The following MTMR8 variants were observed in gnomAD, a reference collection of about 807,000 sequenced individuals.
MTMR8 encodes the protein phosphatidylinositol-3,5-bisphosphate 3-phosphatase MTMR8.
A neutral mutation model predicts 39.3 loss-of-function variants in MTMR8; 65 were observed. The observed-to-expected ratio is 1.65, with a 90% CI of 1.35 to 2.03. MTMR8 has a LOEUF of 2.03. Ranked by LOEUF, MTMR8 falls within the 30% of genes most tolerant of loss-of-function variation. The probability of loss-of-function intolerance (pLI) is 0.00; values close to 1 mark genes in which losing one functional copy is unlikely to be tolerated. For missense variants in MTMR8, 777 were observed against 538.9 expected (o/e 1.44, Z -4.37); for synonymous variants, 245 against 185.2 (o/e 1.32, Z -2.62).
intron 4 of MTMR8, among the ~76,000 whole-genome samples, chrX:64,352,625 A>G (rs1213548040): frequency 9.0e-6 from 1 of 111,455 alleles, no homozygotes. Context: ...TGTTAACATC[A>G]CCACTACTCA....
chrX:64,312,909 G>T (rs1250708682), intron 12 of MTMR8, among the ~76,000 whole-genome samples: 1 of 112,494 alleles, frequency 8.9e-6, no homozygotes, highest in East Asian at 2.8e-4. Flanking sequence ...CACCTCAACA[G>T]TGACCTTAAA....
intron 12 of MTMR8, among the ~76,000 whole-genome samples, chrX:64,300,644 G>C (rs1387832818): frequency 3.0e-5 from 3 of 100,857 alleles, no homozygotes; most frequent in Non-Finnish European, 4.0e-5. Flanking sequence ...GATTTTGCTC[G>C]TTAGTTGATG....
chrX:64,360,060 A>C (rs778988294), intron 1 of MTMR8, among the ~76,000 whole-genome samples: 4 of 111,072 alleles, frequency 3.6e-5, no homozygotes, highest in Non-Finnish European at 7.6e-5. Flanking sequence ...TAAACTTACC[A>C]ATTAAAAGAA....
At chrX:64,311,676 G>A (rs936989521) in intron 12 of MTMR8, among the ~76,000 whole-genome samples, 3 of 110,539 alleles carry the variant, frequency 2.7e-5, no homozygotes, top group Admixed American at 1.9e-4. Flanking sequence ...TTTGTATAAG[G>A]TGTAAGGAAG....
intron 10 of MTMR8, among the ~76,000 whole-genome samples, chrX:64,335,346 G>A (rs1487968651): frequency 1.8e-5 from 2 of 111,388 alleles, no homozygotes; most frequent in Admixed American, 9.5e-5. Context: ...TGGCCAGGCT[G>A]GTCTCGAACT....
intron 12 of MTMR8, among the ~76,000 whole-genome samples, chrX:64,307,636 C>G (rs1178528258): frequency 9.0e-6 from 1 of 111,607 alleles, no homozygotes; most frequent in Non-Finnish European, 1.9e-5. Context: ...AATGGTTCCT[C>G]CCACCTTATA....
intron 6 of MTMR8, 35 bp downstream of exon 6, chrX:64,348,625 C>T: frequency 2.4e-5 from 29 of 1,203,708 alleles, no homozygotes; most frequent in Non-Finnish European, 3.1e-5. Context: ...ATGCAAGAGG[C>T]AGAAATATCA....
Position 64,348,781 on chromosome X carries a change from C to A in MTMR8, c.611G>T (p.Arg204Leu), listed in dbSNP as rs201816063. The change falls in exon 6 of 14, where the codon CGC (arginine) becomes CTC (leucine). Residue 204 changes from arginine (R) to leucine (L), a missense_variant. Coordinates refer to ENST00000374852, the MANE Select transcript of MTMR8 (RefSeq NM_017677.4). ...AAATCCAGAGAGAGGCTGGCTACAG[C>A]GGCAAATGGCAGCCTGTAAGGAAAA... The part of the protein sequence containing the change: ...LYKENNAAIC[R>L]CSQPLSGFYT... 8.3e-7 allele frequency: 1 copy of A among 1,209,947 alleles called. No homozygotes were observed. Among genetic ancestry groups the A allele is most frequent in the South Asian group, 1.8e-5 (1 of 56,841 alleles).
At chrX:64,344,820 C>A (rs779600480) in intron 7 of MTMR8, among the ~76,000 whole-genome samples, 1 of 111,544 alleles carries the variant, frequency 9.0e-6, no homozygotes, top group Admixed American at 9.5e-5. Flanking sequence ...CCCAGATGAA[C>A]TTTATTGAAT....
At chrX:64,314,268 G>T (rs1922397678) in intron 12 of MTMR8, among the ~76,000 whole-genome samples, 1 of 113,021 alleles carries the variant, frequency 8.8e-6, no homozygotes, top group South Asian at 3.6e-4. Flanking sequence ...GTCAGCAGTG[G>T]TGGCAGTGGC....
At chrX:64,384,882 C>A (rs1039015150) in intron 1 of MTMR8, among the ~76,000 whole-genome samples, 5 of 112,559 alleles carry the variant, frequency 4.4e-5, no homozygotes, top group Non-Finnish European at 7.5e-5. Flanking sequence ...TTTAGTTATG[C>A]AAATTTATCC....
chrX:64,359,655 G>A, intron 1 of MTMR8, 128 bp from the exon 2 acceptor site: 1 of 636,730 alleles, frequency 1.6e-6, no homozygotes, highest in Non-Finnish European at 2.3e-6. Context: ...TTCCTGCCAA[G>A]GTGGCAAACT....
chrX:64,281,121 G>T (rs754704201), intron 12 of MTMR8, among the ~76,000 whole-genome samples: 2 of 111,501 alleles, frequency 1.8e-5, no homozygotes, highest in East Asian at 5.6e-4. Flanking sequence ...TGGCCATACT[G>T]CCCAAGGTAA....
chrX:64,379,214 T>A (rs112753613), intron 1 of MTMR8, among the ~76,000 whole-genome samples: 3 of 111,517 alleles, frequency 2.7e-5, no homozygotes, highest in Non-Finnish European at 5.6e-5. Flanking sequence ...AACAAAAAAA[T>A]TATAGCAATT....
chrX:64,347,029 T>A (rs1437964297), intron 6 of MTMR8, among the ~76,000 whole-genome samples: 1 of 111,070 alleles, frequency 9.0e-6, no homozygotes, highest in Non-Finnish European at 1.9e-5. Context: ...GAAAACAGGC[T>A]CAGAGAGATG....
intron 12 of MTMR8, 85 bp downstream of exon 12, chrX:64,328,687 A>G (rs1211431502): frequency 3.2e-6 from 3 of 941,506 alleles, no homozygotes; most frequent in Admixed American, 3.6e-5. Flanking sequence ...GCTTGTACAG[A>G]TGGTGGCAGC....
chrX:64,268,368 C>T lies in MTMR8; in HGVS notation c.*169G>A. 8.1e-6 allele frequency: 4 copies of T among 495,225 alleles called. No homozygotes were observed. Among genetic ancestry groups the T allele is most frequent in the Non-Finnish European group, 9.9e-6 (3 of 302,766 alleles). The allele number at this position is 495,225 out of a possible 1,213,427, so 40.8% of individuals were successfully genotyped here. On this transcript the variant is annotated 3_prime_UTR_variant, in exon 14 of 14. Transcript: ENST00000374852. ...TACACTCTGTACTGCTTAATATGAA[C>T]ATATTGGTCACTTAATCAGTAAAGT...
chrX:64,381,781 T>G lies in MTMR8; in HGVS notation c.24+13559A>C, dbSNP rs762750261. ...AATCCATCTTGAATTAATTTTTGTA[T>G]AAGGTGTAAGGAAGGGATCCAGTTT... On this transcript the variant is annotated intron_variant, in intron 1 of 13. Coordinates refer to ENST00000374852, the MANE Select transcript of MTMR8 (RefSeq NM_017677.4). 6.3e-5 allele frequency among the ~76,000 whole-genome samples: 7 copies of G among 111,687 alleles called. No homozygotes were observed. In the South Asian group the frequency reaches 2.6e-3, roughly 42 times the overall value.
intron 12 of MTMR8, among the ~76,000 whole-genome samples, chrX:64,282,860 C>A (rs1336985796): frequency 9.0e-6 from 1 of 111,106 alleles, no homozygotes; most frequent in Non-Finnish European, 1.9e-5. Context: ...TCCAAGATGG[C>A]CAAATAGGAA....
Sources: gnomAD v4.1 joint callset for allele counts (sites outside exome capture counted in the v4.1 genomes callset) on GRCh38, gnomAD v4.1.1 for gene constraint, MANE v1.5 for transcripts, NCBI Gene and HGNC (gene_info 2026-07-23, HGNC 2026-07-21) for gene names.